Variants in PLD4 observed in about 807,000 individuals in gnomAD.
PLD4 encodes phospholipase D family member 4.
PLD4 carries 54 observed loss-of-function variants against 52.3 expected under a neutral mutation model. That is an observed-to-expected ratio of 1.03 (90% confidence interval 0.83 to 1.30). PLD4 has a LOEUF of 1.30. PLD4 is among the 50% of genes most tolerant of loss of function. The probability of loss-of-function intolerance (pLI) is 0.00; values close to 1 mark genes in which losing one functional copy is unlikely to be tolerated. For missense variants in PLD4, 731 were observed against 671.1 expected, an observed-to-expected ratio of 1.09 and a Z score of -0.99; for synonymous variants, 264 against 286.5, an observed-to-expected ratio of 0.92 and a Z score of 0.79.
chr14:104,930,197 G>T, intron 6 of PLD4, 92 bp downstream of exon 6: 1 of 1,532,134 alleles, frequency 6.5e-7, no homozygotes, highest in Non-Finnish European at 8.9e-7. Context: ...AGTGCATCTG[G>T]AGAAAGTCGT....
At chr14:104,928,464 A>AC (rs917478156) in intron 3 of PLD4, among the ~76,000 whole-genome samples, 2 of 151,406 alleles carry the variant, frequency 1.3e-5, no homozygotes, top group African/African-American at 2.4e-5. Context: ...TGGGGCCAGG[A>AC]CCCCCCAGTC....
intron 6 of PLD4, 64 bp downstream of exon 6, chr14:104,930,169 G>T (rs1897597102): frequency 6.3e-7 from 1 of 1,593,172 alleles, no homozygotes; most frequent in Non-Finnish European, 8.6e-7. Context: ...CACTCCTGGG[G>T]ACTTGGCCTG....
In PLD4 at chr14:104,930,799, A is replaced by G. The variant is rs761856589; in HGVS notation, c.775A>G (p.Lys259Glu). ...CAGCCACCTGGCCCAAGACCTGGAG[A>G]AGACCTTCCAGACCTACTGGGTACT... The part of the protein sequence containing the change: ...NCSHLAQDLE[K>E]TFQTYWVLGV... Residue 259 changes from lysine to glutamate, a missense_variant, in exon 7 of 11, where the codon AAG (lysine) becomes GAG (glutamate). Physicochemically the swap from Lys to Glu is moderately conservative, Grantham distance 56. Transcript: ENST00000392593. 5.0e-6 allele frequency: 8 copies of G among 1,613,380 alleles called. No individual in the cohort carries two copies. Among genetic ancestry groups the G allele is most frequent in the Non-Finnish European group, 6.8e-6 (8 of 1,180,036 alleles).
rs1897407514 is a variant in PLD4, at chr14:104,924,938, G to C, written c.-53G>C. 6.5e-6 allele frequency: 1 copy of C among 152,852 alleles called. No individual in the cohort carries two copies. The highest frequency in any genetic ancestry group is 2.1e-4 in the South Asian group (1 of 4,836). The allele number at this position is 152,852 out of a possible 1,614,324, so 9.5% of individuals were successfully genotyped here. ...ACCGAGCCTGCCCCGTGAGCTGAGGGCCTGCAGTCTGCGGCTGGAATCAGG... is the reference window on the plus strand; with the variant it reads ...ACCGAGCCTGCCCCGTGAGCTGAGGCCCTGCAGTCTGCGGCTGGAATCAGG... On this transcript the variant is annotated 5_prime_UTR_variant, in exon 1 of 11. Transcript: ENST00000392593. The surrounding 1 kb of genome is among the most constrained non-coding windows in gnomAD (Gnocchi z 4.4).
At chr14:104,931,062 C>A in intron 7 of PLD4, 120 bp downstream of exon 7, 2 of 1,133,648 alleles carry the variant, frequency 1.8e-6, no homozygotes, top group Non-Finnish European at 2.6e-6. Context: ...GGTCCTCAGG[C>A]AGCCAGCACC....
downstream of PLD4, chr14:104,934,128 G>A (rs1897760439): frequency 6.1e-6 from 1 of 164,644 alleles, no homozygotes; most frequent in African/African-American, 2.4e-5. Context: ...CAGGTCCTGC[G>A]TGCGGGCTGG....
chr14:104,928,087 G>T (rs1897519228), intron 3 of PLD4, among the ~76,000 whole-genome samples: 1 of 152,076 alleles, frequency 6.6e-6, no homozygotes, highest in Middle Eastern at 3.2e-3. Flanking sequence ...CTGCCACCTG[G>T]GGGCTCTGAC....
Position 104,932,400 on chromosome 14 carries a change from GCA to G in PLD4, c.1321+47_1321+48del, listed in dbSNP as rs768979322. ...GGCGGGCGGGCCCCAGGGTGGCCAG[GCA>G]CGGGCGAGGGAGGCACTGGCTTTGT... On this transcript the variant is annotated intron_variant, in intron 10 of 10. Transcript: ENST00000392593. The surrounding 1 kb of genome is among the most constrained non-coding windows in gnomAD (Gnocchi z 6.5). 5 of 1,582,900 alleles carry G rather than the reference GCA, an allele frequency of 3.2e-6. No individual in the cohort carries two copies. In the South Asian group the frequency reaches 5.5e-5, roughly 18 times the overall value.
chr14:104,929,049 T>A, intron 4 of PLD4, 117 bp downstream of exon 4: 1 of 1,356,750 alleles, frequency 7.4e-7, no homozygotes, highest in South Asian at 1.4e-5. Context: ...TGGTAGGGTC[T>A]AGCATGGAAC....
intron 1 of PLD4, among the ~76,000 whole-genome samples, 192 bp downstream of exon 1, chr14:104,925,182 G>T (rs1194860108): frequency 6.6e-6 from 1 of 152,264 alleles, no homozygotes; most frequent in Non-Finnish European, 1.5e-5. Flanking sequence ...TGGCTCTCCA[G>T]CCAGGTGACA....
chr14:104,931,050 TG>T, intron 7 of PLD4, 108 bp downstream of exon 7: 1 of 1,312,036 alleles, frequency 7.6e-7, no homozygotes, highest in Non-Finnish European at 1.1e-6. Context: ...CAGCATCAGC[TG>T]GGTCCTCAGG....
downstream of PLD4, chr14:104,936,856 C>G (rs931629400): frequency 6.6e-6 from 1 of 152,188 alleles, no homozygotes; most frequent in South Asian, 2.1e-4. Flanking sequence ...CAATCCGCTA[C>G]GCCACGTGGA....
At position 104,932,335 on chromosome 14, in the gene PLD4, C is replaced by T. The variant is rs1252220707; in HGVS notation, c.1301C>T (p.Thr434Met). The change falls in exon 10 of 11, where the codon ACG (threonine) becomes ATG (methionine). Residue 434 changes from threonine to methionine, a missense_variant. Transcript: ENST00000392593. The surrounding 1 kb of genome is among the most constrained non-coding windows in gnomAD (Gnocchi z 6.5). ...GTGAACCACAGCAAGTTCATGGTCA[C>T]GGAGAAGGCAGCCTACATAGGTGAG... is the stretch of plus-strand genomic sequence containing the variant. Reference protein sequence around the residue: ...SRVNHSKFMVTEKAAYIGTSN... With the variant: ...SRVNHSKFMVMEKAAYIGTSN... The T allele has an allele frequency of 6.2e-7, 1 of 1,612,684 alleles. No individual in the cohort carries two copies. The highest frequency in any genetic ancestry group is 8.5e-7 in the Non-Finnish European group (1 of 1,179,856).
chr14:104,930,130 G>C lies in PLD4; in HGVS notation c.717+25G>C, dbSNP rs1897595369. The C allele has an allele frequency of 1.9e-6, 3 of 1,612,010 alleles. No individual in the cohort carries two copies. In the South Asian group the frequency reaches 3.3e-5, roughly 18 times the overall value. ...GGTGAGTGCCAGGGCCCTAACACAG[G>C]AGGCCTGCCTGAAGCGTTTCCCCGC... is the stretch of plus-strand genomic sequence containing the variant. On this transcript the variant is annotated intron_variant, in intron 6 of 10. Coordinates refer to ENST00000392593, the MANE Select transcript of PLD4 (RefSeq NM_138790.5).
rs373297156 is a variant in PLD4, at chr14:104,929,856, T to A, written c.590-122T>A. On this transcript the variant is annotated intron_variant, in intron 5 of 10. Transcript: ENST00000392593. ...AAATGGGGATGAGGATAGCAGCAGC[T>A]TAGTAGGACTGTTGTGAGGACATCT... The A allele has an allele frequency of 5.4e-5, 63 of 1,162,796 alleles. No homozygotes were observed. The East Asian group carries it at 1.5e-3, about 27-fold the overall frequency. The allele number at this position is 1,162,796 out of a possible 1,614,324, so 72.0% of individuals were successfully genotyped here. A position where few individuals can be genotyped will look rare whatever the true frequency, so the allele number is the denominator to read the frequency against.
In PLD4 at chr14:104,932,090, C is replaced by G. The variant is rs956442773; in HGVS notation, c.1137C>G (p.Cys379Trp). 4 of 1,609,990 alleles carry G rather than the reference C, an allele frequency of 2.5e-6. No homozygotes were observed. The highest frequency in any genetic ancestry group is 2.7e-5 in the African/African-American group (2 of 74,892). Reference sequence around the variant, plus strand: ...TGCGCGTGCGCCTGCTGGTCGGCTGCGGACTCAACACGGACCCCACCATGT... The same window carrying G: ...TGCGCGTGCGCCTGCTGGTCGGCTGGGGACTCAACACGGACCCCACCATGT... Reference protein sequence around the residue: ...KGVRVRLLVGCGLNTDPTMFP... With the variant: ...KGVRVRLLVGWGLNTDPTMFP... The change falls in exon 9 of 11, where the codon TGC becomes TGG. Residue 379 changes from cysteine to tryptophan, a missense_variant. Physicochemically the swap from Cys to Trp is radical, Grantham distance 215 (BLOSUM62 -2). Coordinates refer to ENST00000392593, the MANE Select transcript of PLD4 (RefSeq NM_138790.5). The surrounding 1 kb of genome is among the most constrained non-coding windows in gnomAD (Gnocchi z 6.5).
downstream of PLD4, chr14:104,934,967 C>T (rs897031123): frequency 1.3e-5 from 2 of 152,250 alleles, no homozygotes; most frequent in African/African-American, 4.8e-5. Flanking sequence ...ATCCACATAG[C>T]CCTGCAAGGC....
chr14:104,932,751 C>T lies in PLD4; in HGVS notation c.1322-14C>T. 3.9e-6 allele frequency: 6 copies of T among 1,530,418 alleles called. No individual in the cohort carries two copies. Among genetic ancestry groups the T allele is most frequent in the Non-Finnish European group, 5.3e-6 (6 of 1,134,868 alleles). 94.8% of individuals were successfully genotyped at this position (1,530,418 alleles called of 1,614,324 possible). A position where few individuals can be genotyped will look rare whatever the true frequency, so the allele number is the denominator to read the frequency against. On this transcript the variant is annotated splice_polypyrimidine_tract_variant and intron_variant, in intron 10 of 10. Transcript: ENST00000392593. This position sits in a 1 kb window ranked among gnomAD's most constrained non-coding sequence, Gnocchi z 6.5. ...GGAGCCGGCGCCCCAGTGTCTCCTC[C>T]ATCCTCCCCGCAGGCACCTCCAACT...
intron 6 of PLD4, 25 bp downstream of exon 6, chr14:104,930,130 G>A: frequency 1.2e-6 from 2 of 1,612,010 alleles, no homozygotes; most frequent in Non-Finnish European, 1.7e-6. Flanking sequence ...CCTAACACAG[G>A]AGGCCTGCCT....
Sources: allele counts gnomAD v4.1 joint callset (sites outside exome capture counted in the v4.1 genomes callset), GRCh38; gene constraint gnomAD v4.1.1; non-coding constraint Gnocchi (gnomAD v3.1); transcripts MANE v1.5; gene names NCBI Gene and HGNC (gene_info 2026-07-23, HGNC 2026-07-21).